The following MYO16 variants were observed in gnomAD, a reference collection of about 807,000 sequenced individuals.
MYO16 encodes myosin XVI.
Under a neutral mutation model 205.3 loss-of-function variants are expected in MYO16, and 94 were observed. The ratio of observed to expected loss-of-function variants is 0.46; its 90% CI spans 0.39 to 0.54. MYO16 has a LOEUF of 0.54. Among genes scored for constraint, MYO16 ranks in the 20% least tolerant of loss-of-function variants. The probability of loss-of-function intolerance (pLI) is 0.00; values close to 1 mark genes in which losing one functional copy is unlikely to be tolerated. For missense variants in MYO16, 2,315 were observed against 2,387.5 expected (o/e 0.97, Z 0.63); for synonymous variants, 988 against 954.0 (o/e 1.04, Z -0.66).
intron 34 of MYO16, among the ~76,000 whole-genome samples, chr13:109,195,833 C>T (rs1211774970): frequency 1.3e-5 from 2 of 152,064 alleles, no homozygotes; most frequent in Non-Finnish European, 2.9e-5. Flanking sequence ...TATTAATTTA[C>T]ATTTATTAAT....
At position 108,997,403 on chromosome 13, in the gene MYO16, AGTGGG is replaced by A. The variant is rs1885062476; in HGVS notation, c.2442+4956_2442+4960del. On this transcript the variant is annotated intron_variant, in intron 21 of 34. Transcript: ENST00000457511. ...GAGAGAGAGAGAGGGAGGGAGGGAG[AGTGGG>A]AGGAAAGGAAAGGAAAGGAAAGGAA... Among the ~76,000 whole-genome samples the A allele has an allele frequency of 2.0e-3, 144 of 73,134 alleles. 1 individual carries two copies. The highest frequency in any genetic ancestry group is 2.3e-3 in the Non-Finnish European group (80 of 35,168). The allele number at this position is 73,134 out of a possible 152,430, so 48.0% of individuals were successfully genotyped here. A position where few individuals can be genotyped will look rare whatever the true frequency, so the allele number is the denominator to read the frequency against.
intron 16 of MYO16, among the ~76,000 whole-genome samples, chr13:108,946,916 A>G (rs1227151440): frequency 6.6e-6 from 1 of 152,008 alleles, no homozygotes; most frequent in Non-Finnish European, 1.5e-5. Context: ...TAATTTTTGT[A>G]TTTCTTGTAG....
chr13:109,036,349 T>TACTCTTTGTGGAGCCAGG (rs1423242211), intron 23 of MYO16, among the ~76,000 whole-genome samples: 2 of 152,180 alleles, frequency 1.3e-5, no homozygotes, highest in Non-Finnish European at 2.9e-5. Flanking sequence ...TAACTTTTGT[T>TACTCTTTGTGGAGCCAGG]CTCTTTGTGG....
intron 4 of MYO16, among the ~76,000 whole-genome samples, chr13:108,784,572 T>C (rs551048981): frequency 1.3e-5 from 2 of 152,252 alleles, no homozygotes; most frequent in South Asian, 2.1e-4. Flanking sequence ...TGCTAAAGTA[T>C]AGAAAATCTC....
intron 27 of MYO16, among the ~76,000 whole-genome samples, chr13:109,086,903 GT>G (rs1888449873): frequency 6.6e-6 from 1 of 152,176 alleles, no homozygotes; most frequent in Admixed American, 6.5e-5. Flanking sequence ...GTACATATCT[GT>G]TGCATTTCAT....
At chr13:108,523,740 G>T in the MYO16 span, among the ~76,000 whole-genome samples, 2 of 152,180 alleles carry the variant, frequency 1.3e-5, no homozygotes, top group Non-Finnish European at 2.9e-5. Flanking sequence ...CCAAGTGTGC[G>T]TGTCTTATTT....
Position 108,753,370 on chromosome 13 carries a change from C to CAAAAA in MYO16, c.507+25808_507+25812dup, listed in dbSNP as rs534466420. On this transcript the variant is annotated intron_variant, in intron 4 of 34. Transcript: ENST00000457511. Reference sequence around the variant, plus strand: ...GGGCAATAAGAGCAAAACTCTGTGACAAAAAAAAAAAAAAAAAAAAAAAAA... The same window carrying CAAAAA: ...GGGCAATAAGAGCAAAACTCTGTGACAAAAAAAAAAAAAAAAAAAAAAAAAAAAAA... 1.7e-4 allele frequency among the ~76,000 whole-genome samples: 19 copies of CAAAAA among 111,784 alleles called. 2 individuals are homozygous for CAAAAA. The highest frequency in any genetic ancestry group is 7.2e-4 in the African/African-American group (19 of 26,234). The allele number at this position is 111,784 out of a possible 152,430, so 73.3% of individuals were successfully genotyped here.
intron 33 of MYO16, among the ~76,000 whole-genome samples, chr13:109,168,236 A>C (rs559456215): frequency 1.3e-5 from 2 of 152,260 alleles, no homozygotes; most frequent in South Asian, 4.1e-4. Context: ...AATTATAATA[A>C]ACTTTAAAAG....
chr13:108,957,683 A>G lies in MYO16; in HGVS notation c.1926-5A>G, dbSNP rs1160607190. On this transcript the variant is annotated splice_region_variant and splice_polypyrimidine_tract_variant and intron_variant, in intron 16 of 34. Coordinates refer to ENST00000457511, the MANE Select transcript of MYO16 (RefSeq NM_001198950.3). ...GATAACGTTACGTGCCTTGTCTCCT[A>G]ACAGGTATTTGAACCAGACCATACA... The G allele has an allele frequency of 1.2e-6, 2 of 1,600,740 alleles. No homozygotes were observed. Among genetic ancestry groups the G allele is most frequent in the Admixed American group, 1.7e-5 (1 of 59,906 alleles).
At chr13:108,992,789 G>C (rs1046266757) in intron 21 of MYO16, among the ~76,000 whole-genome samples, 1 of 152,114 alleles carries the variant, frequency 6.6e-6, no homozygotes, top group Non-Finnish European at 1.5e-5. Flanking sequence ...CAAAAACCTT[G>C]GCTAAACATC....
At chr13:109,017,774 A>G (rs527526985) in intron 22 of MYO16, among the ~76,000 whole-genome samples, 18 of 152,218 alleles carry the variant, frequency 1.2e-4, no homozygotes, top group African/African-American at 4.3e-4. Flanking sequence ...AAGCTTGTGC[A>G]TGCGTCACGT....
rs1367990053 is a variant in MYO16, at chr13:109,206,939, A to G, written c.*103A>G. 1.0e-6 allele frequency: 1 copy of G among 978,326 alleles called. No individual in the cohort carries two copies. Among genetic ancestry groups the G allele is most frequent in the Non-Finnish European group, 1.5e-6 (1 of 657,724 alleles). The allele number at this position is 978,326 out of a possible 1,614,324, so 60.6% of individuals were successfully genotyped here. A position where few individuals can be genotyped will look rare whatever the true frequency, so the allele number is the denominator to read the frequency against. ...CATGCGCTGGGGCTTCTCTCCACGC[A>G]TTTAGACAAAAAAAGCACAGGACAC... On this transcript the variant is annotated 3_prime_UTR_variant, in exon 35 of 35. Transcript: ENST00000457511.
upstream of MYO16, among the ~76,000 whole-genome samples, chr13:108,594,269 T>C (rs1362008272): frequency 6.6e-6 from 1 of 152,188 alleles, no homozygotes; most frequent in East Asian, 1.9e-4. Flanking sequence ...TAAAATTACC[T>C]AACACAAGTC....
intron 4 of MYO16, among the ~76,000 whole-genome samples, chr13:108,755,114 G>A (rs761543247): frequency 1.4e-4 from 21 of 151,888 alleles, no homozygotes; most frequent in Non-Finnish European, 8.8e-5. Context: ...GGGAGAGAGG[G>A]GACTCATAAT....
chr13:108,829,269 G>A (rs1455881416), intron 9 of MYO16, among the ~76,000 whole-genome samples: 1 of 152,120 alleles, frequency 6.6e-6, no homozygotes, highest in Non-Finnish European at 1.5e-5. Context: ...AATATTTATA[G>A]AGCATTTAGA....
At chr13:108,752,142 A>C (rs2139637285) in intron 4 of MYO16, among the ~76,000 whole-genome samples, 1 of 152,282 alleles carries the variant, frequency 6.6e-6, no homozygotes, top group South Asian at 2.1e-4. Context: ...CAAGTTTAAA[A>C]CTGTCTTCAA....
chr13:109,166,765 A>C (rs1878686389), intron 33 of MYO16: 1 of 152,208 alleles, frequency 6.6e-6, no homozygotes, highest in Non-Finnish European at 1.5e-5. Context: ...ACTGGAAATA[A>C]ATTCAGTGTC....
chr13:108,499,446 A>G, the MYO16 span, among the ~76,000 whole-genome samples: 5 of 152,284 alleles, frequency 3.3e-5, no homozygotes, highest in East Asian at 9.7e-4. Context: ...CTGCTGAGTC[A>G]TTTACAGGAG....
chr13:109,164,362 T>A (rs1280211126), intron 32 of MYO16, among the ~76,000 whole-genome samples: 2 of 152,228 alleles, frequency 1.3e-5, no homozygotes, highest in African/African-American at 4.8e-5. Flanking sequence ...CTCAAAACAC[T>A]TAACATAGGA....
Sources: gnomAD v4.1 joint callset for allele counts (sites outside exome capture counted in the v4.1 genomes callset) on GRCh38, gnomAD v4.1.1 for gene constraint, MANE v1.5 for transcripts, NCBI Gene and HGNC (gene_info 2026-07-23, HGNC 2026-07-21) for gene names.